Variants in C9orf153 observed in about 807,000 individuals in gnomAD.
The protein encoded by C9orf153 is uncharacterized protein C9orf153.
In C9orf153, 10 loss-of-function variants were observed where a neutral mutation model predicts 9.0. The ratio of observed to expected loss-of-function variants is 1.11; its 90% confidence interval spans 0.69 to 1.89. The LOEUF (loss-of-function observed/expected upper bound fraction) is 1.89, where lower values mean the gene tolerates loss of function less well. Ranked by LOEUF, C9orf153 falls within the 40% of genes most tolerant of loss-of-function variation. The pLI is 0.00. For missense variants in C9orf153, 108 were observed against 111.0 expected (o/e 0.97, Z 0.12); for synonymous variants, 35 against 37.3 (o/e 0.94, Z 0.23).
intron 3 of C9orf153, among the ~76,000 whole-genome samples, chr9:86,223,895 C>T (rs1459546161): frequency 3.3e-5 from 5 of 152,072 alleles, no homozygotes; most frequent in South Asian, 4.2e-4. Context: ...AGTGGAATCA[C>T]GGTCACCAGA....
chr9:86,240,597 TA>T (rs1408964288), intron 1 of C9orf153, among the ~76,000 whole-genome samples: 1 of 150,338 alleles, frequency 6.7e-6, no homozygotes, highest in East Asian at 2.0e-4. Context: ...AGGCTGGTCT[TA>T]AACTCCTGAC....
intron 1 of C9orf153, among the ~76,000 whole-genome samples, chr9:86,257,955 A>G (rs894386498): frequency 5.3e-5 from 8 of 152,198 alleles, no homozygotes; most frequent in Non-Finnish European, 1.2e-4. Context: ...GAGCTCATCA[A>G]TCTTGAGCAG....
intron 1 of C9orf153, among the ~76,000 whole-genome samples, chr9:86,234,992 C>A (rs1260060938): frequency 6.6e-6 from 1 of 152,118 alleles, no homozygotes; most frequent in Non-Finnish European, 1.5e-5. Flanking sequence ...AAATTGCTGA[C>A]CTAAAATTGG....
intron 1 of C9orf153, among the ~76,000 whole-genome samples, chr9:86,243,973 T>C (rs1824808273): frequency 6.6e-6 from 1 of 152,132 alleles, no homozygotes; most frequent in Admixed American, 6.5e-5. Context: ...ACACACATTA[T>C]GGAGTGTACA....
At chr9:86,258,731 T>C (rs1825180940) in intron 1 of C9orf153, 1 of 152,208 alleles carries the variant, frequency 6.6e-6, no homozygotes, top group Non-Finnish European at 1.5e-5. Context: ...TTAACGAAAC[T>C]TTTTTTAAAA....
intron 1 of C9orf153, among the ~76,000 whole-genome samples, chr9:86,242,934 C>T (rs1824780493): frequency 6.6e-6 from 1 of 152,238 alleles, no homozygotes; most frequent in African/African-American, 2.4e-5. Flanking sequence ...CCACCTCAGC[C>T]TCCCAAAGTG....
intron 1 of C9orf153, among the ~76,000 whole-genome samples, chr9:86,253,330 G>A (rs904660225): frequency 6.6e-6 from 1 of 152,190 alleles, no homozygotes; most frequent in African/African-American, 2.4e-5. Context: ...TCTTTACAAG[G>A]TTCCTGAACT....
intron 1 of C9orf153, among the ~76,000 whole-genome samples, chr9:86,238,352 A>G (rs574461130): frequency 6.6e-6 from 1 of 152,366 alleles, no homozygotes; most frequent in Non-Finnish European, 1.5e-5. Context: ...CTCAAGATCA[A>G]GTCCACATGG....
At chr9:86,236,587 C>T (rs1824598235) in intron 1 of C9orf153, among the ~76,000 whole-genome samples, 1 of 149,758 alleles carries the variant, frequency 6.7e-6, no homozygotes, top group African/African-American at 2.5e-5. Context: ...AATAGAGGTG[C>T]TTTCTCAGGA....
intron 1 of C9orf153, 90 bp from the exon 2 acceptor site, chr9:86,229,719 T>G (rs11141306): frequency 0.18 from 128,227 of 720,002 alleles, 14,257 homozygotes; most frequent in East Asian, 0.39. Context: ...TAAATCTTAA[T>G]AAATTTGTGA....
chr9:86,241,094 T>A (rs1219453851), intron 1 of C9orf153, among the ~76,000 whole-genome samples: 2 of 152,198 alleles, frequency 1.3e-5, no homozygotes, highest in African/African-American at 4.8e-5. Flanking sequence ...ATTGAGCTTA[T>A]TTTTTCTATG....
intron 1 of C9orf153, among the ~76,000 whole-genome samples, chr9:86,238,972 A>AC (rs201307809): frequency 3.3e-5 from 5 of 151,446 alleles, no homozygotes; most frequent in African/African-American, 1.2e-4. Flanking sequence ...AAAAAAAAAA[A>AC]CAAACATATA....
chr9:86,240,707 C>CTTTTTT (rs367674249), intron 1 of C9orf153, among the ~76,000 whole-genome samples: 28 of 117,002 alleles, frequency 2.4e-4, no homozygotes, highest in Admixed American at 4.2e-4. Flanking sequence ...TTTTCTTTTT[C>CTTTTTT]TTTTTTTTTT....
intron 1 of C9orf153, among the ~76,000 whole-genome samples, chr9:86,253,272 T>G (rs898130775): frequency 4.6e-5 from 7 of 152,226 alleles, no homozygotes; most frequent in African/African-American, 1.7e-4. Context: ...TTTATGCAGC[T>G]GATAAAAAGC....
At chr9:86,237,322 A>C (rs572872477) in intron 1 of C9orf153, among the ~76,000 whole-genome samples, 11 of 152,362 alleles carry the variant, frequency 7.2e-5, no homozygotes, top group African/African-American at 2.6e-4. Context: ...CATTTGGTGA[A>C]TATTAATACA....
intron 1 of C9orf153, among the ~76,000 whole-genome samples, chr9:86,245,807 C>A (rs1824852395): frequency 6.6e-6 from 1 of 152,092 alleles, no homozygotes. Flanking sequence ...AGAACTCTAA[C>A]AAATAAAAAG....
chr9:86,221,642 G>A lies in C9orf153; in HGVS notation c.*46C>T. On this transcript the variant is annotated 3_prime_UTR_variant, in exon 4 of 4. Transcript: ENST00000339137. Reference sequence around the variant, plus strand: ...ATCTCTTCTCAGTGTTGTATTTTATGTCTCCGAATGAAATTGCAGTAGTGC... The same window carrying A: ...ATCTCTTCTCAGTGTTGTATTTTATATCTCCGAATGAAATTGCAGTAGTGC... 1 of 1,541,152 alleles carries A rather than the reference G, an allele frequency of 6.5e-7. No individual in the cohort carries two copies. Among genetic ancestry groups the A allele is most frequent in the Non-Finnish European group, 8.8e-7 (1 of 1,142,818 alleles).
At chr9:86,250,500 A>T (rs1381365001) in intron 1 of C9orf153, among the ~76,000 whole-genome samples, 1 of 152,210 alleles carries the variant, frequency 6.6e-6, no homozygotes, top group Non-Finnish European at 1.5e-5. Flanking sequence ...TTTATACAAT[A>T]AGATCTTTGA....
intron 1 of C9orf153, among the ~76,000 whole-genome samples, chr9:86,231,196 G>A (rs910663625): frequency 3.3e-5 from 5 of 152,130 alleles, no homozygotes; most frequent in African/African-American, 1.2e-4. Context: ...AGATGGAGAA[G>A]AACTACCTCC....
Sources: gnomAD v4.1 joint callset for allele counts (sites outside exome capture counted in the v4.1 genomes callset) on GRCh38, gnomAD v4.1.1 for gene constraint, MANE v1.5 for transcripts, NCBI Gene and HGNC (gene_info 2026-07-23, HGNC 2026-07-21) for gene names.